Variants in ZNF266 observed in about 807,000 individuals in gnomAD.
ZNF266 encodes the protein zinc finger protein 1.
ZNF266 carries 16 observed loss-of-function variants against 16.4 expected under a neutral mutation model. That is an observed-to-expected ratio of 0.98 (90% CI 0.66 to 1.48). The LOEUF is 1.48. ZNF266 is among the 40% of genes most tolerant of loss of function. ZNF266 has a pLI of 0.00. For synonymous variants in ZNF266, 262 were observed against 237.9 expected, an observed-to-expected ratio of 1.10 and a Z score of -0.93; for missense variants, 738 against 689.1, an observed-to-expected ratio of 1.07 and a Z score of -0.79.
At chr19:9,422,096 C>G (rs553940660) in intron 5 of ZNF266, among the ~76,000 whole-genome samples, 1 of 152,286 alleles carries the variant, frequency 6.6e-6, no homozygotes, top group South Asian at 2.1e-4. Flanking sequence ...TGTGATCTGC[C>G]CGCCTCGGCC....
At chr19:9,427,414 G>A (rs974337503) in intron 5 of ZNF266, among the ~76,000 whole-genome samples, 8 of 151,932 alleles carry the variant, frequency 5.3e-5, no homozygotes, top group Non-Finnish European at 7.4e-5. Flanking sequence ...CCGCCACCCA[G>A]GGTTCAAGGG....
Position 9,416,012 on chromosome 19 carries a change from C to A in ZNF266, c.317-270G>T, listed in dbSNP as rs542781395. 3.3e-5 allele frequency among the ~76,000 whole-genome samples: 5 copies of A among 151,934 alleles called. No homozygotes were observed. In the East Asian group the frequency reaches 9.8e-4, roughly 30 times the overall value. On this transcript the variant is annotated intron_variant, in intron 9 of 10. Transcript: ENST00000592904. ...CTAATTTTTGTATTTTTAGTAGAGA[C>A]GAGATTTCACCATGTTGGCCAAGCT...
rs2068535198 is a variant in ZNF266 at position 9,413,580 on chromosome 19, A to G, written c.1546T>C (p.Ser516Pro). ...LECGKAFTHSSSLNNHMRTHS... is the reference protein window; with the variant it reads ...LECGKAFTHSPSLNNHMRTHS... ...GTCCGCATGTGATTATTAAGACTGG[A>G]GGAATGCGTAAATGCTTTACCACAT... Residue 516 changes from serine (S) to proline (P), a missense_variant, in exon 11 of 11, where the codon TCC (serine) becomes CCC (proline). By Grantham distance (74) the Ser-to-Pro change is moderately conservative. Transcript: ENST00000592904. 1 of 1,614,052 alleles carries G rather than the reference A, an allele frequency of 6.2e-7. No individual in the cohort carries two copies. Among genetic ancestry groups the G allele is most frequent in the Non-Finnish European group, 8.5e-7 (1 of 1,180,004 alleles).
intron 10 of ZNF266, 79 bp from the exon 11 acceptor site, chr19:9,414,799 A>G: frequency 2.9e-6 from 4 of 1,392,450 alleles, no homozygotes; most frequent in Non-Finnish European, 3.8e-6. Context: ...AGAGAGGAAC[A>G]CTGTGATGAT....
Position 9,419,219 on chromosome 19 carries a change from G to A in ZNF266, c.106C>T (p.Gln36Ter), listed in dbSNP as rs1272193837. 1 of 154,148 alleles carries A rather than the reference G, an allele frequency of 6.5e-6. No individual in the cohort carries two copies. Among genetic ancestry groups the A allele is most frequent in the African/African-American group, 2.4e-5 (1 of 41,460 alleles). The allele number at this position is 154,148 out of a possible 1,614,324, so 9.5% of individuals were successfully genotyped here. ...VVADCLTNCY[Q>*]DSVTFDDLAV... ...AGAAGGATATACTTCCTGCATACCT[G>A]ATAACAATTTGTCAGACAGTCAGCC... Residue 36 changes from glutamine (Q) to a stop codon, truncating the protein, a stop_gained and splice_region_variant, in exon 7 of 11, where the codon CAG becomes TAG. Coordinates refer to ENST00000592904, the MANE Select transcript of ZNF266 (RefSeq NM_001370374.1). LOFTEE classifies it high-confidence loss of function.
chr19:9,425,827 A>G (rs1258498312), intron 5 of ZNF266, among the ~76,000 whole-genome samples: 1 of 152,160 alleles, frequency 6.6e-6, no homozygotes, highest in Non-Finnish European at 1.5e-5. Flanking sequence ...CACTTCCCCA[A>G]ATAGGAACTG....
At chr19:9,416,117 C>T (rs536438809) in intron 9 of ZNF266, among the ~76,000 whole-genome samples, 66 of 152,256 alleles carry the variant, frequency 4.3e-4, no homozygotes, top group African/African-American at 1.3e-3. Flanking sequence ...CCACCACACC[C>T]GGCCCCTGTA....
rs59102600 is a variant in ZNF266, at chr19:9,428,716, GA to G, written c.-130+4951del. ...CTAAAAACTGTCCCTTCCAGGGTGG[GA>G]AAAAAAAAAAAAAAAACCCTGGGAA... On this transcript the variant is annotated intron_variant, in intron 5 of 10. Coordinates refer to ENST00000592904, the MANE Select transcript of ZNF266 (RefSeq NM_001370374.1). Among the ~76,000 whole-genome samples the G allele has an allele frequency of 2.1e-3, 273 of 132,828 alleles. 2 individuals are homozygous for G. The East Asian group carries it at 0.021, about 10-fold the overall frequency. The allele number at this position is 132,828 out of a possible 152,430, so 87.1% of individuals were successfully genotyped here.
chr19:9,417,623 GGGCTGAGGCAGGAGATCAGAA>G (rs1374221657), intron 9 of ZNF266, among the ~76,000 whole-genome samples, 184 bp downstream of exon 9: 47 of 152,070 alleles, frequency 3.1e-4, no homozygotes, highest in Admixed American at 1.9e-3. Flanking sequence ...GCTACTCAGG[GGGCTGAGGCAGGAGATCAGAA>G]GGCTGAGGCA....
At chr19:9,427,164 A>C (rs1041010679) in intron 5 of ZNF266, among the ~76,000 whole-genome samples, 1 of 152,170 alleles carries the variant, frequency 6.6e-6, no homozygotes, top group Admixed American at 6.6e-5. Flanking sequence ...AATCTGAAAA[A>C]GAAAATAAAG....
chr19:9,421,312 T>G (rs962427518), intron 5 of ZNF266, among the ~76,000 whole-genome samples: 1 of 152,034 alleles, frequency 6.6e-6, no homozygotes, highest in Non-Finnish European at 1.5e-5. Context: ...CCCACTACCA[T>G]GGGTTTCAAA....
chr19:9,431,649 C>T (rs2071611369), intron 5 of ZNF266, among the ~76,000 whole-genome samples: 1 of 152,186 alleles, frequency 6.6e-6, no homozygotes, highest in Non-Finnish European at 1.5e-5. Flanking sequence ...GGTGTCCTGA[C>T]TCCCCCTACA....
At chr19:9,416,000 T>G (rs2122811357) in intron 9 of ZNF266, among the ~76,000 whole-genome samples, 1 of 152,130 alleles carries the variant, frequency 6.6e-6, no homozygotes, top group South Asian at 2.1e-4. Context: ...ATTTTTGTAT[T>G]TTTAGTAGAG....
chr19:9,432,378 A>G (rs1164120972), intron 5 of ZNF266, among the ~76,000 whole-genome samples: 1 of 152,198 alleles, frequency 6.6e-6, no homozygotes, highest in Non-Finnish European at 1.5e-5. Context: ...ACTCTCCAAA[A>G]AGCAGTATAT....
chr19:9,415,157 T>C (rs372717590), intron 10 of ZNF266, among the ~76,000 whole-genome samples: 9 of 152,252 alleles, frequency 5.9e-5, no homozygotes, highest in South Asian at 2.1e-4. Context: ...TAGCCGGGCA[T>C]GGTGGCACGT....
In ZNF266 at chr19:9,415,639, C is replaced by T; in HGVS notation, c.405+15G>A. The T allele has an allele frequency of 2.5e-6, 4 of 1,592,648 alleles. No individual in the cohort carries two copies. The East Asian group carries it at 6.7e-5, about 27-fold the overall frequency. ...TCTAAATGTGAAAACTAAGACGTATCCTTGTTAATCTTACCATTTGAATCC... is the reference window on the plus strand; with the variant it reads ...TCTAAATGTGAAAACTAAGACGTATTCTTGTTAATCTTACCATTTGAATCC... On this transcript the variant is annotated intron_variant, in intron 10 of 10. Transcript: ENST00000592904.
In ZNF266 at chr19:9,413,055, C is replaced by A; in HGVS notation, c.*220G>T. On this transcript the variant is annotated 3_prime_UTR_variant, in exon 11 of 11. Coordinates refer to ENST00000592904, the MANE Select transcript of ZNF266 (RefSeq NM_001370374.1). ...GATTCTCTACATTCATACAGTTTCTCTCCAGTGAGATTTCTGATGTGTTTG... is the reference window on the plus strand; with the variant it reads ...GATTCTCTACATTCATACAGTTTCTATCCAGTGAGATTTCTGATGTGTTTG... The A allele has an allele frequency of 1.8e-6, 1 of 563,088 alleles. No homozygotes were observed. Among genetic ancestry groups the A allele is most frequent in the Non-Finnish European group, 3.0e-6 (1 of 329,428 alleles). 34.9% of individuals were successfully genotyped at this position (563,088 alleles called of 1,614,324 possible).
At chr19:9,417,249 G>A (rs976822426) in intron 9 of ZNF266, among the ~76,000 whole-genome samples, 1 of 152,006 alleles carries the variant, frequency 6.6e-6, no homozygotes, top group Non-Finnish European at 1.5e-5. Context: ...CACACCTGTA[G>A]TCCCGGCTAC....
intron 5 of ZNF266, among the ~76,000 whole-genome samples, chr19:9,432,975 C>T (rs1439320481): frequency 6.6e-6 from 1 of 152,118 alleles, no homozygotes; most frequent in Non-Finnish European, 1.5e-5. Flanking sequence ...ATTCATTCTC[C>T]AATCCACCTA....
Sources: gnomAD v4.1 joint callset for allele counts (sites outside exome capture counted in the v4.1 genomes callset) on GRCh38, gnomAD v4.1.1 for gene constraint, MANE v1.5 for transcripts, NCBI Gene and HGNC (gene_info 2026-07-23, HGNC 2026-07-21) for gene names.